Variants in RBPMS2 observed in about 807,000 individuals in gnomAD.
RBPMS2 encodes the protein RNA-binding protein with multiple splicing 2.
In RBPMS2, 14 loss-of-function variants were observed where a neutral mutation model predicts 25.7. The ratio of observed to expected loss-of-function variants is 0.55; its 90% CI spans 0.36 to 0.85. The LOEUF is 0.85. Ranked by LOEUF, RBPMS2 falls within the 40% of genes least tolerant of loss-of-function variation. RBPMS2 has a pLI of 0.01. For synonymous variants in RBPMS2, 127 were observed against 115.6 expected, an observed-to-expected ratio of 1.10 and a Z score of -0.63; for missense variants, 252 against 283.4, an observed-to-expected ratio of 0.89 and a Z score of 0.80.
At chr15:64,774,097 G>A (rs1385964438) in intron 1 of RBPMS2, among the ~76,000 whole-genome samples, 1 of 152,220 alleles carries the variant, frequency 6.6e-6, no homozygotes, top group African/African-American at 2.4e-5. Context: ...GCCCAGCCCA[G>A]CCGAGGGCCA....
chr15:64,757,329 T>C (rs932574229), intron 1 of RBPMS2, among the ~76,000 whole-genome samples: 2 of 152,108 alleles, frequency 1.3e-5, no homozygotes, highest in African/African-American at 4.8e-5. Context: ...GAGCTCACCT[T>C]ACTCTCCCCA....
At chr15:64,754,338 G>T (rs549854877) in intron 1 of RBPMS2, among the ~76,000 whole-genome samples, 5 of 151,700 alleles carry the variant, frequency 3.3e-5, no homozygotes, top group Admixed American at 3.3e-4. Flanking sequence ...AAGGCTGGGC[G>T]TGGTGGCTTA....
At chr15:64,755,024 C>A (rs900221748) in intron 1 of RBPMS2, among the ~76,000 whole-genome samples, 3 of 152,192 alleles carry the variant, frequency 2.0e-5, no homozygotes, top group Non-Finnish European at 4.4e-5. Flanking sequence ...AGGGGCCACA[C>A]ATTTCACCCA....
At chr15:64,744,793 G>GTGTTTT (rs2083600267) in intron 6 of RBPMS2, among the ~76,000 whole-genome samples, 1 of 57,796 alleles carries the variant, frequency 1.7e-5, no homozygotes, top group African/African-American at 8.7e-5. Flanking sequence ...TTTTTGGTTT[G>GTGTTTT]TTTTGTTTTT....
intron 1 of RBPMS2, among the ~76,000 whole-genome samples, chr15:64,762,084 T>A (rs539394723): frequency 1.3e-5 from 2 of 152,242 alleles, no homozygotes; most frequent in East Asian, 3.9e-4. Flanking sequence ...ATTCCTGGAC[T>A]CAAGCCATCC....
rs1020079942 is a variant in RBPMS2, at chr15:64,752,612, TGTGA to T, written c.88-978_88-975del. Among the ~76,000 whole-genome samples, 11 of 151,956 alleles carry T rather than the reference TGTGA, an allele frequency of 7.2e-5. No homozygotes were observed. The East Asian group carries it at 1.7e-3, about 24-fold the overall frequency. On this transcript the variant is annotated intron_variant, in intron 1 of 7. Transcript: ENST00000300069. ...CAGCTTCAGGTGAAGCATTTGATGC[TGTGA>T]GTTTTTTTTTTTTTGAGATGGAGTT...
intron 1 of RBPMS2, among the ~76,000 whole-genome samples, chr15:64,765,158 C>T (rs1180558059): frequency 1.7e-5 from 2 of 121,016 alleles, no homozygotes; most frequent in African/African-American, 3.1e-5. Context: ...ACCCATGAGG[C>T]GGAAGTTGCA....
intron 1 of RBPMS2, among the ~76,000 whole-genome samples, chr15:64,755,946 G>A (rs1015003694): frequency 5.3e-5 from 8 of 150,674 alleles, no homozygotes; most frequent in African/African-American, 7.3e-5. Context: ...AGGTCTTTCC[G>A]GAGTCCTCAA....
At chr15:64,758,900 A>G (rs1345646592) in intron 1 of RBPMS2, among the ~76,000 whole-genome samples, 1 of 152,260 alleles carries the variant, frequency 6.6e-6, no homozygotes, top group East Asian at 1.9e-4. Context: ...TGCTAGACCT[A>G]GAGTGCCTGG....
intron 1 of RBPMS2, among the ~76,000 whole-genome samples, chr15:64,756,970 A>ATTT (rs567804797): frequency 1.5e-4 from 15 of 98,956 alleles, no homozygotes; most frequent in South Asian, 3.2e-4. Context: ...GCCCGGCCTC[A>ATTT]TTTTTTTTTT....
intron 1 of RBPMS2, among the ~76,000 whole-genome samples, chr15:64,752,730 C>A (rs2141062812): frequency 6.6e-6 from 1 of 152,224 alleles, no homozygotes; most frequent in East Asian, 1.9e-4. Flanking sequence ...CCTGCCTCAG[C>A]CTCCCATGTA....
chr15:64,753,034 T>C (rs1325326974), intron 1 of RBPMS2, among the ~76,000 whole-genome samples: 1 of 152,170 alleles, frequency 6.6e-6, no homozygotes, highest in Non-Finnish European at 1.5e-5. Flanking sequence ...GATGCTAAAC[T>C]AGCAAGCCCT....
chr15:64,764,775 G>A (rs1011258786), intron 1 of RBPMS2, among the ~76,000 whole-genome samples: 3 of 151,358 alleles, frequency 2.0e-5, no homozygotes, highest in African/African-American at 4.9e-5. Context: ...AAAATTAGCC[G>A]GGCATGGTGG....
chr15:64,751,758 T>C (rs924590595), intron 1 of RBPMS2, 120 bp from the exon 2 acceptor site: 9 of 718,748 alleles, frequency 1.3e-5, no homozygotes, highest in Non-Finnish European at 2.1e-5. Flanking sequence ...CAGCCTTTCC[T>C]GGGCCTCCTT....
At chr15:64,762,463 G>A (rs764254121) in intron 1 of RBPMS2, 2 of 534,808 alleles carry the variant, frequency 3.7e-6, no homozygotes, top group South Asian at 2.8e-5. Flanking sequence ...TAAAGACACT[G>A]AGCACGTTTT....
chr15:64,757,810 T>C (rs1595790585), intron 1 of RBPMS2, among the ~76,000 whole-genome samples: 1 of 151,088 alleles, frequency 6.6e-6, no homozygotes, highest in Non-Finnish European at 1.5e-5. Flanking sequence ...CAAGGCCCTA[T>C]CCCCCCCCAC....
intron 1 of RBPMS2, among the ~76,000 whole-genome samples, chr15:64,757,664 A>G (rs765777304): frequency 6.6e-6 from 1 of 152,224 alleles, no homozygotes; most frequent in Non-Finnish European, 1.5e-5. Context: ...GAACAGAGAC[A>G]TGCAGTTACT....
At chr15:64,774,732 A>AGCCGCCCGGCCGGCCG (rs1555431930) in intron 1 of RBPMS2, among the ~76,000 whole-genome samples, 2 of 147,068 alleles carry the variant, frequency 1.4e-5, no homozygotes, top group Non-Finnish European at 3.0e-5. Context: ...GGAACCGAGG[A>AGCCGCCCGGCCGGCCG]GCCGGCCGGC....
At position 64,771,620 on chromosome 15, in the gene RBPMS2, G is replaced by A. The variant is rs149402660; in HGVS notation, c.87+3613C>T. Among the ~76,000 whole-genome samples the A allele has an allele frequency of 8.7e-3, 1,321 of 152,040 alleles. 16 individuals are homozygous for A. Among genetic ancestry groups the A allele is most frequent in the African/African-American group, 0.03 (1,262 of 41,484 alleles). On this transcript the variant is annotated intron_variant, in intron 1 of 7. Transcript: ENST00000300069. ...ACCTGGGAGGAGGTTGCAGTGAGCC[G>A]AGATTGCGCCACTGCACCCCAATCT...
Sources: gnomAD v4.1 joint callset for allele counts (sites outside exome capture counted in the v4.1 genomes callset) on GRCh38, gnomAD v4.1.1 for gene constraint, MANE v1.5 for transcripts, NCBI Gene and HGNC (gene_info 2026-07-23, HGNC 2026-07-21) for gene names.